ZSCAN5A: variants seen among roughly 807,000 people sequenced by gnomAD.
The protein encoded by ZSCAN5A is zinc finger and SCAN domain containing 5A.
In ZSCAN5A, 12 loss-of-function variants were observed where a neutral mutation model predicts 23.7. That is an observed-to-expected ratio of 0.51 (90% CI 0.32 to 0.82). ZSCAN5A has a LOEUF of 0.82. Among genes scored for constraint, ZSCAN5A ranks in the 40% least tolerant of loss-of-function variants. The pLI is 0.03. For synonymous variants in ZSCAN5A, 257 were observed against 239.9 expected, an observed-to-expected ratio of 1.07 and a Z score of -0.66; for missense variants, 597 against 617.9, an observed-to-expected ratio of 0.97 and a Z score of 0.36.
At chr19:56,272,214 T>C (rs1028056295) in intron 2 of ZSCAN5A, among the ~76,000 whole-genome samples, 11 of 152,220 alleles carry the variant, frequency 7.2e-5, no homozygotes, top group African/African-American at 1.9e-4. Flanking sequence ...AGAAATACGA[T>C]AGATGTTGTT....
chr19:56,343,103 A>G (rs868748777), intron 2 of ZSCAN5A: 2 of 759,202 alleles, frequency 2.6e-6, no homozygotes, highest in Middle Eastern at 4.8e-4. Context: ...TTCGGGTCCT[A>G]TCCAATGATC....
chr19:56,289,682 T>C (rs925774489), intron 2 of ZSCAN5A, among the ~76,000 whole-genome samples: 1 of 152,158 alleles, frequency 6.6e-6, no homozygotes, highest in Non-Finnish European at 1.5e-5. Context: ...AGTGCAATCA[T>C]AGCTTACTGC....
At chr19:56,331,305 T>C (rs972554853) in intron 2 of ZSCAN5A, among the ~76,000 whole-genome samples, 1 of 152,156 alleles carries the variant, frequency 6.6e-6, no homozygotes, top group Admixed American at 6.5e-5. Context: ...TAGATGAACT[T>C]TAGAGTAGTT....
chr19:56,353,651 A>G (rs149525290), intron 2 of ZSCAN5A, among the ~76,000 whole-genome samples: 1,893 of 152,068 alleles, frequency 0.012, 41 homozygotes, highest in African/African-American at 0.04. Context: ...GCGTGGTGGC[A>G]GGCACCTGTA....
intron 2 of ZSCAN5A, among the ~76,000 whole-genome samples, chr19:56,294,176 G>C (rs774034055): frequency 1.3e-5 from 2 of 151,804 alleles, no homozygotes; most frequent in South Asian, 4.2e-4. Flanking sequence ...CTCCAGTAAC[G>C]AGCAAAAGCC....
intron 2 of ZSCAN5A, among the ~76,000 whole-genome samples, chr19:56,289,668 C>A (rs1412881443): frequency 2.0e-5 from 3 of 152,058 alleles, no homozygotes; most frequent in African/African-American, 7.2e-5. Context: ...GGTTGGAGTG[C>A]AGTAGTGCAA....
intron 2 of ZSCAN5A, among the ~76,000 whole-genome samples, chr19:56,245,021 A>T (rs544298133): frequency 2.1e-4 from 32 of 152,230 alleles, no homozygotes; most frequent in African/African-American, 7.0e-4. Context: ...AGACCCTTTC[A>T]TCTAAAGGAC....
At chr19:56,282,831 T>A (rs549263435) in intron 2 of ZSCAN5A, among the ~76,000 whole-genome samples, 7 of 152,374 alleles carry the variant, frequency 4.6e-5, no homozygotes, top group Admixed American at 4.6e-4. Context: ...ACACAATGAC[T>A]TACATCTTTG....
intron 2 of ZSCAN5A, chr19:56,363,174 G>C (rs1186912356): frequency 6.6e-6 from 1 of 152,184 alleles, no homozygotes; most frequent in Non-Finnish European, 1.5e-5. Flanking sequence ...AGAGCACACA[G>C]ATCTAATGGA....
intron 2 of ZSCAN5A, among the ~76,000 whole-genome samples, chr19:56,290,183 T>C (rs2039419570): frequency 6.6e-6 from 1 of 152,220 alleles, no homozygotes; most frequent in Non-Finnish European, 1.5e-5. Context: ...TTTCAAAAGG[T>C]TTCTCAGGTG....
chr19:56,349,640 G>A (rs1185405885), intron 2 of ZSCAN5A, among the ~76,000 whole-genome samples: 1 of 147,076 alleles, frequency 6.8e-6, no homozygotes, highest in Non-Finnish European at 1.5e-5. Context: ...GGGAGGTGGA[G>A]GTTGCAGTTA....
intron 2 of ZSCAN5A, among the ~76,000 whole-genome samples, chr19:56,240,669 C>T (rs944370122): frequency 8.5e-5 from 13 of 152,236 alleles, no homozygotes; most frequent in Admixed American, 4.6e-4. Context: ...CTCCTTTGCA[C>T]CCCGTGATTA....
chr19:56,245,014 C>A (rs1329311258), intron 2 of ZSCAN5A, among the ~76,000 whole-genome samples: 1 of 152,134 alleles, frequency 6.6e-6, no homozygotes, highest in Non-Finnish European at 1.5e-5. Context: ...GGTTTAGAGA[C>A]CCTTTCATCT....
chr19:56,282,412 C>T, intron 2 of ZSCAN5A: 1 of 860,730 alleles, frequency 1.2e-6, no homozygotes, highest in African/African-American at 1.8e-5. Context: ...CTTTCATATT[C>T]TCTCTGAACC....
rs78267476 is a variant in ZSCAN5A at position 56,255,496 on chromosome 19, A to G, written c.-127-30323T>C. ...TGCTCACAGGCCGACTCTGTGCCGT[A>G]GCCCAGTGCAACTCTCCACCTGCCA... is the stretch of plus-strand genomic sequence containing the variant. On this transcript the variant is annotated intron_variant, in intron 2 of 5. Coordinates refer to ENST00000683990, the MANE Select transcript of ZSCAN5A (RefSeq NM_001322064.3). Among the ~76,000 whole-genome samples the G allele has an allele frequency of 3.5e-3, 537 of 152,252 alleles. 1 individual carries two copies. Among genetic ancestry groups the G allele is most frequent in the East Asian group, 0.022 (113 of 5,186 alleles).
At chr19:56,240,328 C>G (rs1009554707) in intron 2 of ZSCAN5A, among the ~76,000 whole-genome samples, 6 of 152,254 alleles carry the variant, frequency 3.9e-5, no homozygotes, top group Admixed American at 2.0e-4. Flanking sequence ...ACTTTAACTT[C>G]CTGTGGGCAG....
At chr19:56,342,118 TAA>T (rs1284380010) in intron 2 of ZSCAN5A, among the ~76,000 whole-genome samples, 1 of 152,160 alleles carries the variant, frequency 6.6e-6, no homozygotes, top group Non-Finnish European at 1.5e-5. Flanking sequence ...CTTAATCACA[TAA>T]AAGTTTTTGA....
At chr19:56,336,385 A>G (rs1466608015) in intron 2 of ZSCAN5A, among the ~76,000 whole-genome samples, 2 of 152,118 alleles carry the variant, frequency 1.3e-5, no homozygotes, top group East Asian at 3.9e-4. Context: ...TCAGCTACTG[A>G]GGCTTGTGCA....
intron 2 of ZSCAN5A, chr19:56,244,417 C>G (rs776257410): frequency 1.9e-6 from 3 of 1,578,396 alleles, no homozygotes; most frequent in Non-Finnish European, 2.6e-6. Flanking sequence ...ACAGAAGACC[C>G]AAGAAATGGG....
Sources: allele counts gnomAD v4.1 joint callset (sites outside exome capture counted in the v4.1 genomes callset), GRCh38; gene constraint gnomAD v4.1.1; transcripts MANE v1.5; gene names NCBI Gene and HGNC (gene_info 2026-07-23, HGNC 2026-07-21).